PEAK1: variants seen among roughly 807,000 people sequenced by gnomAD.
The protein encoded by PEAK1 is inactive tyrosine-protein kinase PEAK1.
PEAK1 carries 54 observed loss-of-function variants against 124.7 expected under a neutral mutation model. The observed-to-expected ratio is 0.43, with a 90% CI of 0.35 to 0.54. The LOEUF is 0.54. Among genes scored for constraint, PEAK1 ranks in the 20% least tolerant of loss-of-function variants. The pLI, the probability that PEAK1 is intolerant of heterozygous loss-of-function variation, is 0.01. For missense variants in PEAK1, 2,046 were observed against 2,134.5 expected (o/e 0.96, Z 0.82); for synonymous variants, 719 against 760.0 (o/e 0.95, Z 0.89).
rs552581395 is a variant in PEAK1, at chr15:77,358,311, C to G, written c.-603+6852G>C. Among the ~76,000 whole-genome samples, 291 of 152,308 alleles carry G rather than the reference C, an allele frequency of 1.9e-3. 1 individual carries two copies. Among genetic ancestry groups the G allele is most frequent in the African/African-American group, 6.4e-3 (267 of 41,564 alleles). ...ACCCTAAACTCATTCCTTCTGTTCA[C>G]AGTTAAACTTCTCATGAGAGTAGTC... On this transcript the variant is annotated intron_variant, in intron 2 of 9. Transcript: ENST00000682557.
At chr15:77,350,054 C>A in intron 2 of PEAK1, 4 of 985,344 alleles carry the variant, frequency 4.1e-6, no homozygotes, top group Non-Finnish European at 4.8e-6. Flanking sequence ...GCTCAGCCAC[C>A]ATGATAGTTT....
At chr15:77,287,098 A>G (rs2152974727) in intron 2 of PEAK1, among the ~76,000 whole-genome samples, 1 of 152,342 alleles carries the variant, frequency 6.6e-6, no homozygotes, top group African/African-American at 2.4e-5. Flanking sequence ...GACTTAAGAA[A>G]ATGAAGAAAT....
intron 1 of PEAK1, among the ~76,000 whole-genome samples, chr15:77,376,610 T>C (rs1164232466): frequency 2.6e-5 from 4 of 152,356 alleles, no homozygotes; most frequent in East Asian, 3.9e-4. Flanking sequence ...ATTTCGAAGA[T>C]ACACTTTTCT....
At chr15:77,362,700 CTT>C (rs1242329564) in intron 2 of PEAK1, among the ~76,000 whole-genome samples, 1 of 152,006 alleles carries the variant, frequency 6.6e-6, no homozygotes, top group Non-Finnish European at 1.5e-5. Context: ...CACACAAAAA[CTT>C]ATACACAAAT....
At chr15:77,289,816 G>A (rs1211015895) in intron 2 of PEAK1, among the ~76,000 whole-genome samples, 6 of 152,112 alleles carry the variant, frequency 3.9e-5, no homozygotes, top group African/African-American at 1.4e-4. Flanking sequence ...GGGCGACAGA[G>A]CCAGACTCTG....
intron 2 of PEAK1, among the ~76,000 whole-genome samples, chr15:77,297,041 T>C (rs962169469): frequency 2.6e-5 from 4 of 151,844 alleles, no homozygotes; most frequent in Non-Finnish European, 5.9e-5. Context: ...CTGTAAAATA[T>C]GCAGATCTGA....
At position 77,175,733 on chromosome 15, in the gene PEAK1, C is replaced by A. The variant is rs151245866; in HGVS notation, c.3137+3057G>T. ...ATCTAGAACTAGAAATACCATTTAACCCAGCCATCCCATTACTGGGTATAT... is the reference window on the plus strand; with the variant it reads ...ATCTAGAACTAGAAATACCATTTAAACCAGCCATCCCATTACTGGGTATAT... On this transcript the variant is annotated intron_variant, in intron 7 of 9. Coordinates refer to ENST00000682557, the MANE Select transcript of PEAK1 (RefSeq NM_001385026.1). Among the ~76,000 whole-genome samples the A allele has an allele frequency of 4.3e-3, 653 of 152,324 alleles. 1 individual carries two copies. Among genetic ancestry groups the A allele is most frequent in the African/African-American group, 0.013 (558 of 41,574 alleles).
intron 2 of PEAK1, 72 bp from the exon 3 acceptor site, chr15:77,286,576 T>C (rs1351384089): frequency 2.9e-6 from 2 of 679,520 alleles, no homozygotes; most frequent in African/African-American, 3.7e-5. Flanking sequence ...AACTGAGCAT[T>C]CTTTAATTCA....
At chr15:77,241,315 A>G (rs1487125712) in intron 6 of PEAK1, among the ~76,000 whole-genome samples, 1 of 152,184 alleles carries the variant, frequency 6.6e-6, no homozygotes, top group African/African-American at 2.4e-5. Flanking sequence ...AGCAAACTGG[A>G]AATAGAAGGG....
At chr15:77,323,803 C>T (rs1477685298) in intron 2 of PEAK1, among the ~76,000 whole-genome samples, 2 of 151,974 alleles carry the variant, frequency 1.3e-5, no homozygotes, top group Admixed American at 6.6e-5. Flanking sequence ...CATATGGAAC[C>T]AAAAAAGAGC....
chr15:77,172,546 C>G (rs1055815230), intron 7 of PEAK1, among the ~76,000 whole-genome samples: 42 of 152,102 alleles, frequency 2.8e-4, no homozygotes, highest in Non-Finnish European at 5.3e-4. Flanking sequence ...TTTGAATAAC[C>G]ACAGTTTGTC....
rs2051088994 is a variant in PEAK1 at position 77,113,229 on chromosome 15, C to G, written c.*927G>C. 2 of 152,282 alleles carry G rather than the reference C, an allele frequency of 1.3e-5. No homozygotes were observed. Among genetic ancestry groups the G allele is most frequent in the Admixed American group, 6.5e-5 (1 of 15,290 alleles). The allele number at this position is 152,282 out of a possible 1,614,324, so 9.4% of individuals were successfully genotyped here. On this transcript the variant is annotated 3_prime_UTR_variant, in exon 10 of 10. Transcript: ENST00000682557. ...CTGGCCAATTACTGCTCGGGGAAAA[C>G]TGCAAATGCTGACAGTTCTGACAGT...
At chr15:77,127,221 T>G (rs1469647472) in intron 9 of PEAK1, among the ~76,000 whole-genome samples, 1 of 152,216 alleles carries the variant, frequency 6.6e-6, no homozygotes, top group African/African-American at 2.4e-5. Context: ...AAGAGAGCCC[T>G]CACTAGAAGC....
chr15:77,241,393 G>A (rs1165241400), intron 6 of PEAK1, among the ~76,000 whole-genome samples: 2 of 152,090 alleles, frequency 1.3e-5, no homozygotes, highest in African/African-American at 4.8e-5. Context: ...TAGTGAGACT[G>A]ACTGCTTCCT....
chr15:77,320,823 C>T (rs2065161347), intron 2 of PEAK1, among the ~76,000 whole-genome samples: 1 of 151,770 alleles, frequency 6.6e-6, no homozygotes, highest in Non-Finnish European at 1.5e-5. Context: ...CCCCACAGCA[C>T]AACAGGCCCC....
At chr15:77,123,544 C>T (rs1388453809) in intron 9 of PEAK1, among the ~76,000 whole-genome samples, 1 of 152,140 alleles carries the variant, frequency 6.6e-6, no homozygotes, top group Non-Finnish European at 1.5e-5. Flanking sequence ...GATTGTTCCT[C>T]TCTGGCCTTA....
intron 7 of PEAK1, among the ~76,000 whole-genome samples, chr15:77,164,587 C>T (rs980545149): frequency 1.3e-5 from 2 of 152,206 alleles, no homozygotes; most frequent in African/African-American, 4.8e-5. Flanking sequence ...AAATCACTGT[C>T]ACTTTCACAA....
chr15:77,401,466 A>G, intron 1 of PEAK1: 1 of 923,240 alleles, frequency 1.1e-6, no homozygotes, highest in Non-Finnish European at 1.3e-6. Flanking sequence ...ACACCATGAC[A>G]GTCAATCTGC....
chr15:77,102,220 T>G (rs1450089498), exon 7 of PEAK1: 1 of 152,258 alleles, frequency 6.6e-6, no homozygotes, highest in East Asian at 1.9e-4. Context: ...AACATTTGGG[T>G]TCTTCTGTGA....
Sources: gnomAD v4.1 joint callset for allele counts (sites outside exome capture counted in the v4.1 genomes callset) on GRCh38, gnomAD v4.1.1 for gene constraint, MANE v1.5 for transcripts, NCBI Gene and HGNC (gene_info 2026-07-23, HGNC 2026-07-21) for gene names.